BAZ2A: variants seen among roughly 807,000 people sequenced by gnomAD.
The protein encoded by BAZ2A is bromodomain adjacent to zinc finger domain 2A.
In BAZ2A, 34 loss-of-function variants were observed where a neutral mutation model predicts 199.9. The observed-to-expected ratio is 0.17, with a 90% CI of 0.13 to 0.23. The LOEUF is 0.23. BAZ2A is among the 10% of genes least tolerant of loss of function. The probability of loss-of-function intolerance (pLI) is 1.00; values close to 1 mark genes in which losing one functional copy is unlikely to be tolerated. For synonymous variants in BAZ2A, 857 were observed against 883.9 expected, an observed-to-expected ratio of 0.97 and a Z score of 0.54; for missense variants, 2,002 against 2,391.1, an observed-to-expected ratio of 0.84 and a Z score of 3.39.
chr12:56,606,533 C>T, intron 11 of BAZ2A, 100 bp downstream of exon 11: 1 of 1,300,950 alleles, frequency 7.7e-7, no homozygotes, highest in African/African-American at 1.5e-5. Flanking sequence ...TGAAGATATG[C>T]TGCTACACAG....
chr12:56,600,210 G>A lies in BAZ2A; in HGVS notation c.4883C>T (p.Thr1628Ile). The change falls in exon 24 of 29, where the codon ACT becomes ATT. Residue 1628 changes from threonine (T) to isoleucine (I), a missense_variant. Thr to Ile is a moderately conservative substitution (Grantham distance 89). This residue lies in a region of BAZ2A where 1,081 missense variants were observed against 1,274.7 expected (regional missense o/e 0.85). Coordinates refer to ENST00000549884, the MANE Select transcript of BAZ2A (RefSeq NM_001300905.2). ...STPNGAPEGT[T>I]TEISYEITPR... Reference sequence around the variant, plus strand: ...GGTGGGAGTCACTCACATCTCTGTAGTGGTGCCCTCAGGGGCACCATTAGG... The same window carrying A: ...GGTGGGAGTCACTCACATCTCTGTAATGGTGCCCTCAGGGGCACCATTAGG... The A allele has an allele frequency of 6.2e-7, 1 of 1,613,972 alleles. No homozygotes were observed. The highest frequency in any genetic ancestry group is 2.2e-5 in the East Asian group (1 of 44,878).
At chr12:56,621,611 G>T (rs917601689) in intron 1 of BAZ2A, among the ~76,000 whole-genome samples, 11 of 152,020 alleles carry the variant, frequency 7.2e-5, no homozygotes, top group African/African-American at 2.4e-4. Context: ...TTAAGGACTG[G>T]TGAGGATGAA....
chr12:56,608,563 TTATTA>T (rs1565818267), intron 10 of BAZ2A, among the ~76,000 whole-genome samples: 3 of 151,840 alleles, frequency 2.0e-5, no homozygotes, highest in East Asian at 1.9e-4. Context: ...CCTATTATTA[TTATTA>T]TATTATTATT....
chr12:56,619,110 G>A (rs910917288), intron 1 of BAZ2A, among the ~76,000 whole-genome samples: 2 of 151,334 alleles, frequency 1.3e-5, no homozygotes, highest in South Asian at 2.1e-4. Flanking sequence ...TTGGGAGGCC[G>A]AGGCTGGCGG....
At chr12:56,604,424 G>C in intron 15 of BAZ2A, 133 bp from the exon 16 acceptor site, 1 of 1,294,788 alleles carries the variant, frequency 7.7e-7, no homozygotes, top group South Asian at 1.4e-5. Flanking sequence ...GAAGGCTTAG[G>C]CTCTCCCAGG....
intron 1 of BAZ2A, among the ~76,000 whole-genome samples, chr12:56,622,387 T>C (rs753637205): frequency 6.6e-6 from 1 of 151,922 alleles, no homozygotes; most frequent in Non-Finnish European, 1.5e-5. Context: ...ATAAAATAAA[T>C]ATAATTTAAA....
At position 56,600,935 on chromosome 12, in the gene BAZ2A, G is replaced by A. The variant is rs1886407084; in HGVS notation, c.4450+8C>T. 1.2e-6 allele frequency: 2 copies of A among 1,613,528 alleles called. No homozygotes were observed. The highest frequency in any genetic ancestry group is 2.2e-5 in the East Asian group (1 of 44,890). On this transcript the variant is annotated splice_region_variant and intron_variant, in intron 22 of 28. Coordinates refer to ENST00000549884, the MANE Select transcript of BAZ2A (RefSeq NM_001300905.2). ...TTCAGCTCAAGCTGGGTGTAGGAAT[G>A]TATTTACCAGCTGAGGGCCGCAGGC...
upstream of BAZ2A, chr12:56,630,638 A>AG (rs2137432239): frequency 2.3e-6 from 1 of 433,114 alleles, no homozygotes; most frequent in South Asian, 9.6e-5. Flanking sequence ...ACAGGCTGGT[A>AG]GGGGTAAGAG....
intron 2 of BAZ2A, among the ~76,000 whole-genome samples, chr12:56,616,200 CT>C (rs900162723): frequency 3.3e-5 from 5 of 151,418 alleles, no homozygotes; most frequent in African/African-American, 4.8e-5. Context: ...CACGCCTGGC[CT>C]TTTTTTTTGT....
chr12:56,616,934 T>G (rs12313811), intron 2 of BAZ2A, among the ~76,000 whole-genome samples: 6,100 of 152,238 alleles, frequency 0.04, 401 homozygotes, highest in African/African-American at 0.14. Context: ...AAACTTTCCC[T>G]TGTCCCTACC....
intron 1 of BAZ2A, among the ~76,000 whole-genome samples, chr12:56,636,012 C>A (rs1951439871): frequency 6.6e-6 from 1 of 152,172 alleles, no homozygotes; most frequent in Non-Finnish European, 1.5e-5. Context: ...ACTCAGGATC[C>A]CGTGGTCGGC....
upstream of BAZ2A, among the ~76,000 whole-genome samples, chr12:56,632,439 G>C (rs1951338619): frequency 6.6e-6 from 1 of 152,068 alleles, no homozygotes; most frequent in Admixed American, 6.5e-5. Context: ...GACTGGGCAG[G>C]CAGGGGAGGA....
chr12:56,627,980 G>A (rs1293928328), intron 1 of BAZ2A, among the ~76,000 whole-genome samples: 1 of 151,318 alleles, frequency 6.6e-6, no homozygotes, highest in Non-Finnish European at 1.5e-5. Flanking sequence ...TCAGGAATTC[G>A]AGACCAGCCT....
chr12:56,624,349 G>A (rs1029162005), intron 1 of BAZ2A, among the ~76,000 whole-genome samples: 6 of 152,084 alleles, frequency 3.9e-5, no homozygotes, highest in Non-Finnish European at 7.4e-5. Flanking sequence ...AAACTGTCAC[G>A]TCCAGGCTGT....
intron 11 of BAZ2A, 106 bp from the exon 12 acceptor site, chr12:56,606,418 G>A (rs1248381528): frequency 1.1e-5 from 15 of 1,362,686 alleles, no homozygotes; most frequent in Non-Finnish European, 1.5e-5. Context: ...GGTGAGAGAT[G>A]GAATGAGGGG....
At chr12:56,614,612 CACT>C (rs1232241960) in intron 3 of BAZ2A, among the ~76,000 whole-genome samples, 1 of 152,204 alleles carries the variant, frequency 6.6e-6, no homozygotes, top group African/African-American at 2.4e-5. Flanking sequence ...GCATGCCAAT[CACT>C]ACATTGGGCT....
chr12:56,602,270 A>G (rs1886567297), intron 19 of BAZ2A, 78 bp from the exon 20 acceptor site: 1 of 1,271,142 alleles, frequency 7.9e-7, no homozygotes, highest in South Asian at 1.5e-5. Context: ...CTTAGGACCT[A>G]TACTTTCTTT....
chr12:56,601,116 A>G lies in BAZ2A; in HGVS notation c.4295-18T>C. On this transcript the variant is annotated intron_variant, in intron 21 of 28. Transcript: ENST00000549884. ...GCACATCTCTGTGAGCAGATGAGAT[A>G]TATGTGGGGCGCCAGCTGTGAAGCA... is the stretch of plus-strand genomic sequence containing the variant. The G allele has an allele frequency of 6.2e-7, 1 of 1,613,718 alleles. No individual in the cohort carries two copies. The highest frequency in any genetic ancestry group is 8.5e-7 in the Non-Finnish European group (1 of 1,179,744).
chr12:56,615,223 A>G lies in BAZ2A; in HGVS notation c.521T>C (p.Phe174Ser). 4 of 1,613,890 alleles carry G rather than the reference A, an allele frequency of 2.5e-6. No individual in the cohort carries two copies. The highest frequency in any genetic ancestry group is 3.4e-6 in the Non-Finnish European group (4 of 1,179,856). The change falls in exon 3 of 29, where the codon TTT becomes TCT. Residue 174 changes from phenylalanine (F) to serine (S), a missense_variant. By Grantham distance (155) the Phe-to-Ser change is radical. This residue lies in a region of BAZ2A where 641 missense variants were observed against 694.5 expected (regional missense o/e 0.92). Transcript: ENST00000549884. ...ELYDSFPDQN[F>S]EVMPNGPPSF... ...AGGGGGTCCATTGGGCATCACCTCA[A>G]AATTCTGGTCAGGAAAGGAATCATA...
Sources: allele counts gnomAD v4.1 joint callset (sites outside exome capture counted in the v4.1 genomes callset), GRCh38; gene constraint gnomAD v4.1.1; regional missense constraint gnomAD v4.1.1; transcripts MANE v1.5; gene names NCBI Gene and HGNC (gene_info 2026-07-23, HGNC 2026-07-21).